Variants in ZBTB34 observed in about 807,000 individuals in gnomAD.
The protein encoded by ZBTB34 is zinc finger and BTB domain-containing protein 34.
In ZBTB34, 1 loss-of-function variant was observed where a neutral mutation model predicts 33.4. The observed-to-expected ratio is 0.03, with a 90% CI of 0.01 to 0.14. ZBTB34 has a LOEUF of 0.14. Ranked by LOEUF, ZBTB34 falls within the 10% of genes least tolerant of loss-of-function variation. ZBTB34 has a pLI of 1.00. For synonymous variants in ZBTB34, 283 were observed against 253.5 expected (o/e 1.12, Z -1.11); for missense variants, 406 against 657.2 (o/e 0.62, Z 4.18).
In ZBTB34 at chr9:126,880,900, G is replaced by T. The variant is rs1291995028; in HGVS notation, c.1501G>T (p.Asp501Tyr). ...CCGGATGGAAATTCACACAGTGTCT[G>T]ATGCTCCCGATTAAGATGGTAAAGA... Residue 501 changes from aspartate to tyrosine, a missense_variant, in exon 2 of 2, where the codon GAT (aspartate) becomes TAT (tyrosine). Physicochemically the swap from Asp to Tyr is radical, Grantham distance 160. Around this residue, in one of 6 missense-constraint regions of ZBTB34, gnomAD observed 58 missense variants for 58.7 expected, o/e 0.99. Coordinates refer to ENST00000319119, the Ensembl canonical transcript of ZBTB34. This position sits in a 1 kb window ranked among gnomAD's most constrained non-coding sequence, Gnocchi z 6.7. 1 of 1,609,120 alleles carries T rather than the reference G, an allele frequency of 6.2e-7. No individual in the cohort carries two copies. Among genetic ancestry groups the T allele is most frequent in the African/African-American group, 1.3e-5 (1 of 74,678 alleles).
At chr9:126,862,042 G>A (rs1395373320) in intron 1 of ZBTB34, among the ~76,000 whole-genome samples, 1 of 152,184 alleles carries the variant, frequency 6.6e-6, no homozygotes, top group Non-Finnish European at 1.5e-5. Flanking sequence ...TTATGAAAAG[G>A]TAATTTTGAT....
exon 2 of ZBTB34, chr9:126,881,058 C>G: frequency 1.1e-6 from 1 of 947,742 alleles, no homozygotes; most frequent in Non-Finnish European, 1.6e-6. Context: ...TGGAACACTT[C>G]GTTGTGTTTA....
chr9:126,861,046 C>G (rs1050455542), intron 1 of ZBTB34, among the ~76,000 whole-genome samples: 4 of 152,034 alleles, frequency 2.6e-5, no homozygotes, highest in Non-Finnish European at 5.9e-5. Flanking sequence ...GGGCAGCTGC[C>G]CTGGGCTCCC....
chr9:126,865,174 C>A (rs148133566), intron 1 of ZBTB34, among the ~76,000 whole-genome samples: 1 of 152,194 alleles, frequency 6.6e-6, no homozygotes, highest in Non-Finnish European at 1.5e-5. Flanking sequence ...AATAAGCCAC[C>A]GTGCTAGATT....
In ZBTB34 at chr9:126,879,501, A is replaced by G. The variant is rs375654941; in HGVS notation, c.102A>G (p.Lys34=). The stretch of plus-strand genomic sequence containing the variant: ...TAAACGAACTCCGCCTGCAGGGGAA[A>G]CTATGTGACATCATTGTACACATTC... Residue 34 remains lysine (K), a synonymous_variant, in exon 2 of 2, where the codon AAA becomes AAG. Transcript: ENST00000319119. The surrounding 1 kb of genome is among the most constrained non-coding windows in gnomAD (Gnocchi z 6.4). 6 of 1,613,926 alleles carry G rather than the reference A, an allele frequency of 3.7e-6. No homozygotes were observed. Among genetic ancestry groups the G allele is most frequent in the Non-Finnish European group, 5.1e-6 (6 of 1,179,888 alleles).
At chr9:126,861,854 GT>G (rs1433469955) in intron 1 of ZBTB34, among the ~76,000 whole-genome samples, 2 of 152,144 alleles carry the variant, frequency 1.3e-5, no homozygotes, top group Middle Eastern at 3.2e-3. Flanking sequence ...GACTCCAGAG[GT>G]TCCCCCCTCC....
At position 126,881,185 on chromosome 9, in the gene ZBTB34, A is replaced by C; in HGVS notation, c.*271A>C. 7.3e-6 allele frequency: 3 copies of C among 412,972 alleles called. No individual in the cohort carries two copies. In the South Asian group the frequency reaches 8.8e-5, roughly 12 times the overall value. The allele number at this position is 412,972 out of a possible 1,614,324, so 25.6% of individuals were successfully genotyped here. The stretch of plus-strand genomic sequence containing the variant: ...CTGAACTCTTAATCCAAAATCTGCC[A>C]GTGATTTAGCTATGCCAACTGGTTG... On this transcript the variant is annotated 3_prime_UTR_variant, in exon 2 of 2. Transcript: ENST00000319119.
Position 126,876,520 on chromosome 9 carries a change from G to A in ZBTB34, c.-10-2870G>A, listed in dbSNP as rs933934934. Reference sequence around the variant, plus strand: ...TAGACATCCTTACATTTGTGAAGCAGCTGTTCTTGGTCATAATATATTATT... The same window carrying A: ...TAGACATCCTTACATTTGTGAAGCAACTGTTCTTGGTCATAATATATTATT... On this transcript the variant is annotated intron_variant, in intron 1 of 1. Coordinates refer to ENST00000319119, the Ensembl canonical transcript of ZBTB34. 2.0e-5 allele frequency among the ~76,000 whole-genome samples: 3 copies of A among 151,968 alleles called. No individual in the cohort carries two copies. In the East Asian group the frequency reaches 5.9e-4, roughly 30 times the overall value.
intron 1 of ZBTB34, among the ~76,000 whole-genome samples, chr9:126,861,169 C>A (rs1215633828): frequency 6.6e-6 from 1 of 152,158 alleles, no homozygotes; most frequent in Non-Finnish European, 1.5e-5. Flanking sequence ...GAGAGCCGGC[C>A]GGGCCAGGGG....
Position 126,880,974 on chromosome 9 carries a change from T to C in ZBTB34, c.*60T>C. ...AATCAATGCATATTTGTGATTTGCT[T>C]TGTTGTAATCTTTGGTTTTCCCAAC... On this transcript the variant is annotated 3_prime_UTR_variant, in exon 2 of 2. Coordinates refer to ENST00000319119, the Ensembl canonical transcript of ZBTB34. The surrounding 1 kb of genome is among the most constrained non-coding windows in gnomAD (Gnocchi z 6.7). The C allele has an allele frequency of 1.3e-6, 2 of 1,507,446 alleles. No individual in the cohort carries two copies. Among genetic ancestry groups the C allele is most frequent in the Non-Finnish European group, 1.8e-6 (2 of 1,123,472 alleles). The allele number at this position is 1,507,446 out of a possible 1,614,324, so 93.4% of individuals were successfully genotyped here. A position where few individuals can be genotyped will look rare whatever the true frequency, so the allele number is the denominator to read the frequency against.
chr9:126,860,783 G>GGGCGGGGCAGGCGGGGCA (rs1300635119), intron 1 of ZBTB34, 44 bp downstream of exon 1: 1 of 146,774 alleles, frequency 6.8e-6, no homozygotes, highest in Non-Finnish European at 1.5e-5. Flanking sequence ...GGCTAGGCGC[G>GGGCGGGGCAGGCGGGGCA]GGCGGGGCAG....
chr9:126,870,176 C>G (rs1254325978), intron 1 of ZBTB34, among the ~76,000 whole-genome samples: 1 of 152,118 alleles, frequency 6.6e-6, no homozygotes, highest in Non-Finnish European at 1.5e-5. Context: ...GTGGAATAAT[C>G]AAATTCATTT....
intron 1 of ZBTB34, among the ~76,000 whole-genome samples, chr9:126,868,262 T>C (rs2033234337): frequency 6.6e-6 from 1 of 152,174 alleles, no homozygotes; most frequent in East Asian, 1.9e-4. Context: ...TGTAGCTTTT[T>C]TGAGTGGGAT....
intron 1 of ZBTB34, among the ~76,000 whole-genome samples, chr9:126,871,182 GGT>G (rs1051590372): frequency 1.6e-4 from 20 of 122,362 alleles, no homozygotes; most frequent in Admixed American, 3.2e-4. Flanking sequence ...AAGTGAGGGG[GGT>G]GTGTGTGTGT....
chr9:126,884,939 A>T (rs1053949738), exon 2 of ZBTB34: 1 of 167,092 alleles, frequency 6.0e-6, no homozygotes, highest in African/African-American at 2.4e-5. Context: ...CCAAGGGCAC[A>T]TGCCCCTTGA....
intron 1 of ZBTB34, among the ~76,000 whole-genome samples, chr9:126,874,004 A>ATTGAT (rs2033317515): frequency 8.3e-6 from 1 of 120,698 alleles, no homozygotes; most frequent in South Asian, 2.8e-4. Context: ...TTTGGCTTTT[A>ATTGAT]TTGATTTGTG....
chr9:126,865,113 CAA>C (rs955392576), intron 1 of ZBTB34, among the ~76,000 whole-genome samples: 3 of 152,324 alleles, frequency 2.0e-5, no homozygotes, highest in African/African-American at 7.2e-5. Flanking sequence ...TATTTTTAAA[CAA>C]AGTGTAGCAT....
chr9:126,880,459 C>T lies in ZBTB34; in HGVS notation c.1060C>T (p.Pro354Ser). ...TGACAGTGAAGCCATGATGAACAAC[C>T]CCGGGTATGAGAGCAGTCCCCGGGA... is the stretch of plus-strand genomic sequence containing the variant. The change falls in exon 2 of 2, where the codon CCC (proline) becomes TCC (serine). Residue 354 changes from proline (P) to serine (S), a missense_variant. Transcript: ENST00000319119. This position sits in a 1 kb window ranked among gnomAD's most constrained non-coding sequence, Gnocchi z 6.7. The T allele has an allele frequency of 1.2e-6, 2 of 1,613,750 alleles. No individual in the cohort carries two copies. The highest frequency in any genetic ancestry group is 1.7e-6 in the Non-Finnish European group (2 of 1,179,872).
At chr9:126,876,711 GAAC>G (rs1441083617) in intron 1 of ZBTB34, among the ~76,000 whole-genome samples, 1 of 152,186 alleles carries the variant, frequency 6.6e-6, no homozygotes, top group African/African-American at 2.4e-5. Flanking sequence ...AGAACAGTGT[GAAC>G]GGCCTGAAGA....
Sources: allele counts gnomAD v4.1 joint callset (sites outside exome capture counted in the v4.1 genomes callset), GRCh38; gene constraint gnomAD v4.1.1; regional missense constraint gnomAD v4.1.1; non-coding constraint Gnocchi (gnomAD v3.1); transcripts MANE v1.5; gene names NCBI Gene and HGNC (gene_info 2026-07-23, HGNC 2026-07-21).